Variants in FUT9 observed in about 807,000 individuals in gnomAD.
FUT9 encodes fucosyltransferase 9, also known as 4-galactosyl-N-acetylglucosaminide 3-alpha-L-fucosyltransferase 9.
A neutral mutation model predicts 29.7 loss-of-function variants in FUT9; 15 were observed. The observed-to-expected ratio is 0.51, with a 90% CI of 0.34 to 0.78. The LOEUF is 0.78. FUT9 is among the 30% of genes least tolerant of loss of function. The pLI is 0.01. For missense variants in FUT9, 319 were observed against 425.4 expected (o/e 0.75, Z 2.20); for synonymous variants, 169 against 153.7 (o/e 1.10, Z -0.74).
intron 1 of FUT9, among the ~76,000 whole-genome samples, chr6:96,045,884 CGAG>C (rs1355155673): frequency 6.6e-6 from 1 of 152,094 alleles, no homozygotes; most frequent in African/African-American, 2.4e-5. Context: ...ATGGGTGCCT[CGAG>C]GAGGAGGACA....
At chr6:96,131,959 T>C (rs1772253303) in intron 2 of FUT9, among the ~76,000 whole-genome samples, 2 of 152,126 alleles carry the variant, frequency 1.3e-5, no homozygotes, top group Non-Finnish European at 2.9e-5. Context: ...GAGGATATTA[T>C]AGTCTTCATT....
chr6:96,087,223 T>C (rs1387465056), intron 1 of FUT9, among the ~76,000 whole-genome samples: 1 of 152,166 alleles, frequency 6.6e-6, no homozygotes, highest in Non-Finnish European at 1.5e-5. Context: ...TATTGGCTTA[T>C]TACCTAAAGT....
chr6:96,155,964 G>T (rs1208186145), intron 2 of FUT9, among the ~76,000 whole-genome samples: 1 of 152,144 alleles, frequency 6.6e-6, no homozygotes, highest in East Asian at 1.9e-4. Context: ...TTTGCTTTTT[G>T]TTAACTTTTC....
chr6:96,099,100 G>A (rs982092300), intron 1 of FUT9, among the ~76,000 whole-genome samples: 2 of 152,032 alleles, frequency 1.3e-5, no homozygotes, highest in Non-Finnish European at 2.9e-5. Flanking sequence ...TCAAACAGAT[G>A]AGTAAATAAT....
chr6:96,062,086 T>G (rs1770883534), intron 1 of FUT9, among the ~76,000 whole-genome samples: 1 of 152,160 alleles, frequency 6.6e-6, no homozygotes. Context: ...AAATACCTAA[T>G]GCAGATGACG....
chr6:96,065,287 C>T (rs1770943686), intron 1 of FUT9, among the ~76,000 whole-genome samples: 1 of 152,108 alleles, frequency 6.6e-6, no homozygotes. Flanking sequence ...TCTAGTTGTT[C>T]AGTATGAATG....
intron 2 of FUT9, among the ~76,000 whole-genome samples, chr6:96,147,151 T>G (rs1334169157): frequency 6.6e-6 from 1 of 151,922 alleles, no homozygotes; most frequent in African/African-American, 2.4e-5. Context: ...GTCCAATTTT[T>G]TTTTTATTTT....
chr6:96,181,159 C>T (rs973082346), intron 2 of FUT9, among the ~76,000 whole-genome samples: 2 of 151,944 alleles, frequency 1.3e-5, no homozygotes, highest in African/African-American at 4.8e-5. Flanking sequence ...AAATCGTATA[C>T]AATAAACATT....
At chr6:96,150,520 C>T (rs1772656950) in intron 2 of FUT9, among the ~76,000 whole-genome samples, 1 of 152,086 alleles carries the variant, frequency 6.6e-6, no homozygotes, top group African/African-American at 2.4e-5. Flanking sequence ...AGGCTTGGAC[C>T]AGGTACAGAG....
At chr6:96,153,726 CTT>C (rs1772724903) in intron 2 of FUT9, among the ~76,000 whole-genome samples, 1 of 152,186 alleles carries the variant, frequency 6.6e-6, no homozygotes, top group African/African-American at 2.4e-5. Context: ...TCATTTATCA[CTT>C]TGTCATGAAT....
chr6:96,203,408 A>T lies in FUT9; in HGVS notation c.253A>T (p.Met85Leu), dbSNP rs1324224291. Residue 85 changes from methionine (M) to leucine (L), a missense_variant, in exon 3 of 3, where the codon ATG becomes TTG. Physicochemically the swap from Met to Leu is conservative, Grantham distance 15. Coordinates refer to ENST00000302103, the MANE Select transcript of FUT9 (RefSeq NM_006581.4). The part of the protein sequence containing the change: ...QTFDLTSCQA[M>L]FNIQGCHLTT... ...CTTTGACCTTACATCCTGCCAAGCA[A>T]TGTTCAACATCCAAGGATGCCATCT... is the stretch of plus-strand genomic sequence containing the variant. The T allele has an allele frequency of 2.5e-6, 4 of 1,609,920 alleles. No individual in the cohort carries two copies. Among genetic ancestry groups the T allele is most frequent in the Non-Finnish European group, 3.4e-6 (4 of 1,177,328 alleles).
At chr6:96,074,780 T>G (rs1771116972) in intron 1 of FUT9, among the ~76,000 whole-genome samples, 1 of 152,008 alleles carries the variant, frequency 6.6e-6, no homozygotes, top group Non-Finnish European at 1.5e-5. Flanking sequence ...TTAATTTAAT[T>G]ATTGTTTTTT....
chr6:96,204,382 T>G lies in FUT9; in HGVS notation c.*147T>G. 1 of 512,170 alleles carries G rather than the reference T, an allele frequency of 2.0e-6. No homozygotes were observed. Among genetic ancestry groups the G allele is most frequent in the African/African-American group, 2.0e-5 (1 of 50,656 alleles). 31.7% of individuals were successfully genotyped at this position (512,170 alleles called of 1,614,324 possible). On this transcript the variant is annotated 3_prime_UTR_variant, in exon 3 of 3. Transcript: ENST00000302103. ...GGTAACGTGTATATTTTGGTGGAGATTTTTAAAAGCTCAGCATGAGCAATC... is the reference window on the plus strand; with the variant it reads ...GGTAACGTGTATATTTTGGTGGAGAGTTTTAAAAGCTCAGCATGAGCAATC...
chr6:96,162,522 C>G (rs1249579459), intron 2 of FUT9, among the ~76,000 whole-genome samples: 1 of 152,170 alleles, frequency 6.6e-6, no homozygotes, highest in Non-Finnish European at 1.5e-5. Flanking sequence ...TTTCCAGTCT[C>G]TAGTAACTAC....
At position 96,164,235 on chromosome 6, in the gene FUT9, GT is replaced by G. The variant is rs1349874397; in HGVS notation, c.-8-38909del. Among the ~76,000 whole-genome samples, 14 of 138,946 alleles carry G rather than the reference GT, an allele frequency of 1.0e-4. 1 individual carries two copies. Among genetic ancestry groups the G allele is most frequent in the Admixed American group, 5.8e-4 (8 of 13,722 alleles). The allele number at this position is 138,946 out of a possible 152,430, so 91.2% of individuals were successfully genotyped here. A position where few individuals can be genotyped will look rare whatever the true frequency, so the allele number is the denominator to read the frequency against. The stretch of plus-strand genomic sequence containing the variant: ...GGGAGTTTCTGGGTTAAGATAAACA[GT>G]TTTGGAGATCCAGGTTCTTTTTTTT... On this transcript the variant is annotated intron_variant, in intron 2 of 2. Transcript: ENST00000302103.
intron 2 of FUT9, among the ~76,000 whole-genome samples, chr6:96,143,161 G>T (rs1772497060): frequency 6.6e-6 from 1 of 152,074 alleles, no homozygotes; most frequent in African/African-American, 2.4e-5. Context: ...CAGGAGGGTG[G>T]AACCCTTGTT....
intron 2 of FUT9, among the ~76,000 whole-genome samples, chr6:96,178,989 G>T (rs1773255522): frequency 6.6e-6 from 1 of 151,944 alleles, no homozygotes. Flanking sequence ...ACCTTTTGTA[G>T]TTTCTGTCAT....
chr6:96,190,290 C>G (rs1030417899), intron 2 of FUT9, among the ~76,000 whole-genome samples: 3 of 152,128 alleles, frequency 2.0e-5, no homozygotes, highest in Non-Finnish European at 4.4e-5. Context: ...TTAGTCAGAT[C>G]GGCTTCCTTT....
intron 1 of FUT9, among the ~76,000 whole-genome samples, chr6:96,087,356 C>A (rs1019379778): frequency 7.9e-5 from 11 of 138,572 alleles, no homozygotes; most frequent in Non-Finnish European, 1.7e-4. Context: ...TATATTTTCC[C>A]CACAAATTTT....
Sources: gnomAD v4.1 joint callset for allele counts (sites outside exome capture counted in the v4.1 genomes callset) on GRCh38, gnomAD v4.1.1 for gene constraint, MANE v1.5 for transcripts, NCBI Gene and HGNC (gene_info 2026-07-23, HGNC 2026-07-21) for gene names.